Variants in ANXA7 observed in about 807,000 individuals in gnomAD.
The protein encoded by ANXA7 is annexin VII.
Under a neutral mutation model 64.9 loss-of-function variants are expected in ANXA7, and 55 were observed. The ratio of observed to expected loss-of-function variants is 0.85; its 90% confidence interval spans 0.68 to 1.06. ANXA7 has a LOEUF of 1.06. Among genes scored for constraint, ANXA7 ranks in the 50% least tolerant of loss-of-function variants. The pLI is 0.00. For synonymous variants in ANXA7, 200 were observed against 192.4 expected (o/e 1.04, Z -0.33); for missense variants, 548 against 582.1 (o/e 0.94, Z 0.60).
At chr10:73,401,077 TA>T (rs1366650446) in intron 1 of ANXA7, among the ~76,000 whole-genome samples, 1 of 152,076 alleles carries the variant, frequency 6.6e-6, no homozygotes, top group Non-Finnish European at 1.5e-5. Flanking sequence ...AGCTAATTTT[TA>T]TATTTTTTGT....
rs368036663 is a variant in ANXA7 at position 73,377,773 on chromosome 10, G to GGTGTGTGTGTGTGT, written c.1278+1124_1278+1137dup. ...ACTACCATGCCGGGGGGTGGGTGTG[G>GGTGTGTGTGTGTGT]GTGTGTGTGTGTGTGTGTGTGTGTG... On this transcript the variant is annotated intron_variant, in intron 12 of 12. Transcript: ENST00000372921. 2.1e-4 allele frequency among the ~76,000 whole-genome samples: 26 copies of GGTGTGTGTGTGTGT among 124,844 alleles called. No individual in the cohort carries two copies. The East Asian group carries it at 3.1e-3, about 15-fold the overall frequency. 81.9% of individuals were successfully genotyped at this position (124,844 alleles called of 152,430 possible).
chr10:73,413,157 G>A (rs1018732229), intron 1 of ANXA7, among the ~76,000 whole-genome samples: 1 of 151,840 alleles, frequency 6.6e-6, no homozygotes, highest in Non-Finnish European at 1.5e-5. Flanking sequence ...CCACCAGTGA[G>A]GACTGAAAGA....
chr10:73,408,219 CT>C (rs1337484469), intron 1 of ANXA7: 1 of 151,590 alleles, frequency 6.6e-6, no homozygotes, highest in African/African-American at 2.4e-5. Flanking sequence ...ATTCAGGAAG[CT>C]GAGGTGGGAG....
chr10:73,394,677 A>G (rs2055541400), intron 5 of ANXA7, among the ~76,000 whole-genome samples: 1 of 152,156 alleles, frequency 6.6e-6, no homozygotes, highest in South Asian at 2.1e-4. Flanking sequence ...ACTTGGACAC[A>G]GGATGGGGAA....
At chr10:73,393,772 G>A (rs947977265) in intron 5 of ANXA7, among the ~76,000 whole-genome samples, 20 of 152,066 alleles carry the variant, frequency 1.3e-4, no homozygotes, top group Admixed American at 5.2e-4. Context: ...GAAAACCTAG[G>A]CAATACCATT....
chr10:73,397,136 T>A, intron 4 of ANXA7, 28 bp downstream of exon 4: 1 of 1,298,398 alleles, frequency 7.7e-7, no homozygotes, highest in Non-Finnish European at 1.0e-6. Flanking sequence ...ATCATGATAC[T>A]GTTTTTTTCT....
chr10:73,388,334 A>G lies in ANXA7; in HGVS notation c.516T>C (p.Leu172=), dbSNP rs143522719. ...NFDAIRDAEI[L]RKAMKGFGTD... ...TACCAAAACCCTTCATTGCCTTACG[A>G]AGAATTTCTGCATCTCTTATAGCAT... The change falls in exon 6 of 13, where the codon CTT becomes CTC. Residue 172 remains leucine, a synonymous_variant. Transcript: ENST00000372921. The G allele has an allele frequency of 1.5e-4, 248 of 1,613,884 alleles. No homozygotes were observed. Among genetic ancestry groups the G allele is most frequent in the Non-Finnish European group, 2.0e-4 (240 of 1,179,890 alleles).
At chr10:73,401,324 T>G (rs1032850917) in intron 1 of ANXA7, among the ~76,000 whole-genome samples, 1 of 152,164 alleles carries the variant, frequency 6.6e-6, no homozygotes, top group Non-Finnish European at 1.5e-5. Flanking sequence ...CAAAAGAGTC[T>G]GGCATAAAAT....
chr10:73,403,047 A>G (rs2055696115), intron 1 of ANXA7, among the ~76,000 whole-genome samples: 1 of 152,042 alleles, frequency 6.6e-6, no homozygotes, highest in South Asian at 2.1e-4. Context: ...CTGGTCTTGA[A>G]CTACTGACCT....
At position 73,396,034 on chromosome 10, in the gene ANXA7, C is replaced by G. The variant is rs373680861; in HGVS notation, c.435+485G>C. 2.1e-4 allele frequency: 329 copies of G among 1,547,196 alleles called. 1 individual carries two copies. The Middle Eastern group carries it at 4.9e-3, about 23-fold the overall frequency. On this transcript the variant is annotated intron_variant, in intron 5 of 12. Coordinates refer to ENST00000372921, the MANE Select transcript of ANXA7 (RefSeq NM_001156.5). ...CTAGTGATTAGTAAACATTAGAAAACCTTACTCACTTCACTGCTATAATCC... is the reference window on the plus strand; with the variant it reads ...CTAGTGATTAGTAAACATTAGAAAAGCTTACTCACTTCACTGCTATAATCC...
At chr10:73,398,534 A>G in intron 2 of ANXA7, 149 bp from the exon 3 acceptor site, 1 of 702,186 alleles carries the variant, frequency 1.4e-6, no homozygotes, top group Non-Finnish European at 2.3e-6. Context: ...ATCTTATACT[A>G]GTTTATCAGT....
At chr10:73,395,734 C>T (rs1213640028) in intron 5 of ANXA7, 7 of 423,474 alleles carry the variant, frequency 1.7e-5, no homozygotes, top group Admixed American at 3.5e-5. Flanking sequence ...TGCAGTGAGC[C>T]GAGGTCGTGC....
chr10:73,379,518 T>C (rs1024822562), intron 11 of ANXA7, among the ~76,000 whole-genome samples: 2 of 152,202 alleles, frequency 1.3e-5, no homozygotes, highest in Non-Finnish European at 2.9e-5. Flanking sequence ...AACTGCTTCG[T>C]GGTGACACTG....
At chr10:73,409,118 C>T (rs929882325) in intron 1 of ANXA7, among the ~76,000 whole-genome samples, 2 of 152,150 alleles carry the variant, frequency 1.3e-5, no homozygotes, top group South Asian at 4.1e-4. Flanking sequence ...AAGACAAGGA[C>T]ATCCACTTTC....
chr10:73,398,447 A>G, intron 2 of ANXA7, 62 bp from the exon 3 acceptor site: 4 of 1,435,590 alleles, frequency 2.8e-6, no homozygotes, highest in Non-Finnish European at 3.8e-6. Context: ...CCATCTAAAA[A>G]TAAGGAACAA....
Position 73,385,247 on chromosome 10 carries a change from G to A in ANXA7, c.634-1557C>T, listed in dbSNP as rs1457972464. Among the ~76,000 whole-genome samples, 7 of 152,204 alleles carry A rather than the reference G, an allele frequency of 4.6e-5. No homozygotes were observed. In the East Asian group the frequency reaches 1.3e-3, roughly 29 times the overall value. ...ATATGGACTTGATTCTGTTTGCTGG[G>A]AGGAACCACTGGAAACTTTTCATGC... On this transcript the variant is annotated intron_variant, in intron 7 of 12. Transcript: ENST00000372921.
intron 2 of ANXA7, among the ~76,000 whole-genome samples, chr10:73,399,408 T>C (rs1029299304): frequency 1.3e-5 from 2 of 152,204 alleles, no homozygotes; most frequent in Non-Finnish European, 1.5e-5. Flanking sequence ...ATCTCTCCTA[T>C]GATAAATTCA....
chr10:73,390,491 T>A (rs951747966), intron 5 of ANXA7, among the ~76,000 whole-genome samples: 1 of 152,060 alleles, frequency 6.6e-6, no homozygotes, highest in African/African-American at 2.4e-5. Context: ...GCCAAAATTA[T>A]TCTACTTGTA....
Position 73,398,418 on chromosome 10 carries a change from G to A in ANXA7, c.55-33C>T, listed in dbSNP as rs1281442317. ...ATCAGAATAATTTTTAAACAAATAC[G>A]ATCATAGAGAAATATGACCCATCTA... On this transcript the variant is annotated intron_variant, in intron 2 of 12. Transcript: ENST00000372921. The A allele has an allele frequency of 2.6e-6, 4 of 1,563,788 alleles. No individual in the cohort carries two copies. In the South Asian group the frequency reaches 3.4e-5, roughly 13 times the overall value.
Sources: gnomAD v4.1 joint callset for allele counts (sites outside exome capture counted in the v4.1 genomes callset) on GRCh38, gnomAD v4.1.1 for gene constraint, MANE v1.5 for transcripts, NCBI Gene and HGNC (gene_info 2026-07-23, HGNC 2026-07-21) for gene names.